Variants in METTL22 observed in about 807,000 individuals in gnomAD.
The protein encoded by METTL22 is methyltransferase 22, Kin17 lysine.
Under a neutral mutation model 48.4 loss-of-function variants are expected in METTL22, and 51 were observed. That is an observed-to-expected ratio of 1.05 (90% CI 0.84 to 1.33). The LOEUF (loss-of-function observed/expected upper bound fraction) is 1.33. Among genes scored for constraint, METTL22 ranks in the 40% most tolerant of loss-of-function variants. METTL22 has a pLI of 0.00. For synonymous variants in METTL22, 255 were observed against 214.1 expected, an observed-to-expected ratio of 1.19 and a Z score of -1.67; for missense variants, 678 against 526.9, an observed-to-expected ratio of 1.29 and a Z score of -2.81.
At position 8,642,110 on chromosome 16, in the gene METTL22, CT is replaced by C. The variant is rs2056635938; in HGVS notation, c.827-13del. On this transcript the variant is annotated splice_polypyrimidine_tract_variant and intron_variant, in intron 7 of 10. Transcript: ENST00000381920. ...GAGAAGGCAATGGGCACAAAGTGTG[CT>C]TTTGTTCTTTCTTAGATCCCAAGGT... The C allele has an allele frequency of 6.3e-7, 1 of 1,599,284 alleles. No homozygotes were observed. The highest frequency in any genetic ancestry group is 8.6e-7 in the Non-Finnish European group (1 of 1,166,372).
intron 5 of METTL22, among the ~76,000 whole-genome samples, chr16:8,636,275 C>T (rs753136832): frequency 1.2e-4 from 18 of 152,188 alleles, no homozygotes; most frequent in Non-Finnish European, 2.1e-4. Context: ...TGGCTGACAT[C>T]TGTAATCCCA....
At chr16:8,665,651 C>G in the METTL22 span, among the ~76,000 whole-genome samples, 1 of 152,216 alleles carries the variant, frequency 6.6e-6, no homozygotes, top group East Asian at 1.9e-4. Context: ...AAACCCTACT[C>G]TGGGCTCTAA....
chr16:8,635,539 A>G (rs1219810510), intron 5 of METTL22, among the ~76,000 whole-genome samples: 4 of 152,320 alleles, frequency 2.6e-5, no homozygotes, highest in South Asian at 4.1e-4. Flanking sequence ...CTATAAGGCC[A>G]TTGAGCTTCA....
the METTL22 span, among the ~76,000 whole-genome samples, chr16:8,659,519 A>G: frequency 0.58 from 87,558 of 151,934 alleles, 27,429 homozygotes; most frequent in East Asian, 0.89. Context: ...GGAGCCAGGC[A>G]TTACACCTGT....
Position 8,637,366 on chromosome 16 carries a change from A to G in METTL22, c.701-1725A>G, listed in dbSNP as rs141827082. Among the ~76,000 whole-genome samples the G allele has an allele frequency of 3.6e-3, 544 of 152,364 alleles. 2 individuals are homozygous for G. The highest frequency in any genetic ancestry group is 0.014 in the Middle Eastern group (4 of 294). On this transcript the variant is annotated intron_variant, in intron 5 of 10. Coordinates refer to ENST00000381920, the MANE Select transcript of METTL22 (RefSeq NM_024109.4). Reference sequence around the variant, plus strand: ...GCTCTTCTCAGAGTCAAGCCGTCCAAGAGCTTTGCTTCGTCCCTGGTGCCT... The same window carrying G: ...GCTCTTCTCAGAGTCAAGCCGTCCAGGAGCTTTGCTTCGTCCCTGGTGCCT...
At position 8,644,590 on chromosome 16, in the gene METTL22, A is replaced by G; in HGVS notation, c.1044A>G (p.Thr348=). ...LNFTLRHLDV[T]CEAYDHFRSC... is the part of the protein sequence containing the mutation. ...TCACATTGAGACACTTGGACGTCAC[A>G]TGTGAAGCCTACGATCACTTCCGCT... is the stretch of plus-strand genomic sequence containing the variant. The change falls in exon 10 of 11, where the codon ACA becomes ACG. Residue 348 remains threonine (T), a synonymous_variant. Coordinates refer to ENST00000381920, the MANE Select transcript of METTL22 (RefSeq NM_024109.4). The G allele has an allele frequency of 1.9e-6, 3 of 1,593,440 alleles. No individual in the cohort carries two copies. Among genetic ancestry groups the G allele is most frequent in the Non-Finnish European group, 2.6e-6 (3 of 1,169,242 alleles).
chr16:8,652,558 CCTGTAATCCCAG>C (rs2056914953), downstream of METTL22, among the ~76,000 whole-genome samples: 1 of 150,736 alleles, frequency 6.6e-6, no homozygotes, highest in South Asian at 2.1e-4. Flanking sequence ...GTGGCTCACA[CCTGTAATCCCAG>C]CACTTTGGGA....
rs753787707 is a variant in METTL22 at position 8,646,559 on chromosome 16, A to G, written c.*416A>G. Reference sequence around the variant, plus strand: ...CTACCACTGCCAGTATTGCCATCATATTGCCGCTCGGCACAAAAGCCTCAT... The same window carrying G: ...CTACCACTGCCAGTATTGCCATCATGTTGCCGCTCGGCACAAAAGCCTCAT... On this transcript the variant is annotated 3_prime_UTR_variant, in exon 11 of 11. Transcript: ENST00000381920. 4.1e-6 allele frequency: 2 copies of G among 482,546 alleles called. No homozygotes were observed. The highest frequency in any genetic ancestry group is 8.2e-6 in the Non-Finnish European group (2 of 244,678). The allele number at this position is 482,546 out of a possible 1,614,324, so 29.9% of individuals were successfully genotyped here. A position where few individuals can be genotyped will look rare whatever the true frequency, so the allele number is the denominator to read the frequency against.
downstream of METTL22, among the ~76,000 whole-genome samples, chr16:8,650,870 C>CA (rs992813035): frequency 5.3e-5 from 8 of 151,790 alleles, no homozygotes; most frequent in Admixed American, 3.9e-4. Flanking sequence ...ACTAAAAATA[C>CA]AAAAAAATAG....
chr16:8,641,337 G>T (rs1834140543), intron 7 of METTL22, 153 bp downstream of exon 7: 3 of 755,174 alleles, frequency 4.0e-6, no homozygotes, highest in Non-Finnish European at 7.1e-6. Flanking sequence ...TGGCCGATGA[G>T]CACCAGCTGT....
chr16:8,643,121 T>C (rs1415025972), intron 9 of METTL22, among the ~76,000 whole-genome samples: 2 of 152,230 alleles, frequency 1.3e-5, no homozygotes, highest in African/African-American at 4.8e-5. Context: ...CCACAGCTTT[T>C]CTGAAGATCG....
chr16:8,625,732 G>T lies in METTL22; in HGVS notation c.67G>T (p.Asp23Tyr), dbSNP rs763224990. ...VTFRSDTVLS[D>Y]VHLYTPNHRH... ...CTTTAGGAGCGACACTGTGCTGTCA[G>T]ATGTCCACCTCTATACCCCGAACCA... is the stretch of plus-strand genomic sequence containing the variant. The change falls in exon 2 of 11, where the codon GAT (aspartate) becomes TAT (tyrosine). Residue 23 changes from aspartate (D) to tyrosine (Y), a missense_variant. Transcript: ENST00000381920. 3.1e-6 allele frequency: 5 copies of T among 1,614,218 alleles called. No individual in the cohort carries two copies.
chr16:8,646,874 CTGT>C lies in METTL22; in HGVS notation c.*732_*734del. 2.8e-6 allele frequency: 1 copy of C among 357,292 alleles called. No individual in the cohort carries two copies. The highest frequency in any genetic ancestry group is 3.7e-5 in the Admixed American group (1 of 26,746). 22.1% of individuals were successfully genotyped at this position (357,292 alleles called of 1,614,324 possible). Reference sequence around the variant, plus strand: ...TCTGTCTTATCACGTGTGTACATGTCTGTCTGTCTGGTTTTTTATCTTCTCCAT... The same window carrying C: ...TCTGTCTTATCACGTGTGTACATGTCCTGTCTGGTTTTTTATCTTCTCCAT... On this transcript the variant is annotated 3_prime_UTR_variant, in exon 11 of 11. Transcript: ENST00000381920.
chr16:8,641,318 T>A, intron 7 of METTL22, 134 bp downstream of exon 7: 1 of 849,968 alleles, frequency 1.2e-6, no homozygotes, highest in Non-Finnish European at 2.0e-6. Flanking sequence ...CATGGCAGCT[T>A]CTCTCCATTG....
the METTL22 span, among the ~76,000 whole-genome samples, chr16:8,655,359 T>C: frequency 6.6e-6 from 1 of 152,174 alleles, no homozygotes. Flanking sequence ...AGGGCCTCAG[T>C]TCCTCACTGG....
chr16:8,662,956 C>G, the METTL22 span, among the ~76,000 whole-genome samples: 2 of 144,926 alleles, frequency 1.4e-5, 1 homozygote, highest in African/African-American at 5.2e-5. Context: ...ACCTGTAACC[C>G]CAGCACTTTG....
the METTL22 span, chr16:8,667,259 A>G: frequency 6.6e-6 from 1 of 151,032 alleles, no homozygotes; most frequent in African/African-American, 2.4e-5. Context: ...AAGTTGTTTT[A>G]TTTATTTATT....
At chr16:8,659,602 G>C in the METTL22 span, among the ~76,000 whole-genome samples, 2 of 152,266 alleles carry the variant, frequency 1.3e-5, no homozygotes, top group South Asian at 2.1e-4. Context: ...ATAATGTCAG[G>C]TAGTGTAAAG....
intron 3 of METTL22, among the ~76,000 whole-genome samples, chr16:8,629,390 TAC>T (rs2141707642): frequency 6.6e-6 from 1 of 152,318 alleles, no homozygotes; most frequent in South Asian, 2.1e-4. Context: ...CCCATTGCCG[TAC>T]AGTTTCCAGC....
Sources: gnomAD v4.1 joint callset for allele counts (sites outside exome capture counted in the v4.1 genomes callset) on GRCh38, gnomAD v4.1.1 for gene constraint, MANE v1.5 for transcripts, NCBI Gene and HGNC (gene_info 2026-07-23, HGNC 2026-07-21) for gene names.